The following RGS22 variants were observed in gnomAD, a reference collection of about 807,000 sequenced individuals.
RGS22 encodes the protein regulator of G protein signaling 22.
A neutral mutation model predicts 172.9 loss-of-function variants in RGS22; 148 were observed. The ratio of observed to expected loss-of-function variants is 0.86; its 90% CI spans 0.75 to 0.98. RGS22 has a LOEUF of 0.98. RGS22 is among the 50% of genes least tolerant of loss of function. The pLI is 0.00. For missense variants in RGS22, 1,347 were observed against 1,440.8 expected (o/e 0.93, Z 1.05); for synonymous variants, 458 against 480.2 (o/e 0.95, Z 0.60).
chr8:100,001,302 T>C (rs539607548), intron 18 of RGS22, among the ~76,000 whole-genome samples: 1 of 148,950 alleles, frequency 6.7e-6, no homozygotes, highest in South Asian at 2.1e-4. Context: ...AGGGGCACAA[T>C]CTCCACTCAC....
chr8:100,035,656 C>A (rs997782160), intron 14 of RGS22, among the ~76,000 whole-genome samples: 1 of 152,150 alleles, frequency 6.6e-6, no homozygotes, highest in Non-Finnish European at 1.5e-5. Context: ...GACACATGCA[C>A]ATGTATGTTT....
At chr8:100,104,358 G>C (rs1289721639) in intron 2 of RGS22, among the ~76,000 whole-genome samples, 1 of 129,742 alleles carries the variant, frequency 7.7e-6, no homozygotes, top group East Asian at 2.4e-4. Flanking sequence ...GTGTGTGTGT[G>C]TGTATTTTTT....
rs1281860716 is a variant in RGS22, at chr8:100,063,703, A to G, written c.1065T>C (p.Asp355=). 12 of 1,614,006 alleles carry G rather than the reference A, an allele frequency of 7.4e-6. No individual in the cohort carries two copies. Among genetic ancestry groups the G allele is most frequent in the Non-Finnish European group, 1.0e-5 (12 of 1,179,956 alleles). The change falls in exon 8 of 28, where the codon GAT becomes GAC. Residue 355 remains aspartate (D), a synonymous_variant. Transcript: ENST00000360863. ...FNNITKVSFD[D]CFESIHGKNF... is the part of the protein sequence containing the mutation. Reference sequence around the variant, plus strand: ...TCTTGCCATGAATAGACTCAAAACAATCATCAAATGACACTTTTGTTATAT... The same window carrying G: ...TCTTGCCATGAATAGACTCAAAACAGTCATCAAATGACACTTTTGTTATAT...
intron 7 of RGS22, 49 bp from the exon 8 acceptor site, chr8:100,064,092 T>G: frequency 1.5e-6 from 2 of 1,320,590 alleles, no homozygotes; most frequent in Non-Finnish European, 2.0e-6. Context: ...ATACAAACCT[T>G]TCTTATTATT....
At chr8:100,034,110 G>T (rs923337901) in intron 14 of RGS22, among the ~76,000 whole-genome samples, 5 of 152,126 alleles carry the variant, frequency 3.3e-5, no homozygotes, top group African/African-American at 1.2e-4. Context: ...GGAAGTTCTG[G>T]CCAGGGCAAT....
In RGS22 at chr8:100,092,920, G is replaced by A. The variant is rs1432557173; in HGVS notation, c.117+527C>T. Among the ~76,000 whole-genome samples, 3 of 152,316 alleles carry A rather than the reference G, an allele frequency of 2.0e-5. No individual in the cohort carries two copies. In the South Asian group the frequency reaches 6.2e-4, roughly 32 times the overall value. Reference sequence around the variant, plus strand: ...GCCTTAAATACAAATTCCACTTTAAGTTCTATCCAAGAGGATGAAAATAAT... The same window carrying A: ...GCCTTAAATACAAATTCCACTTTAAATTCTATCCAAGAGGATGAAAATAAT... On this transcript the variant is annotated intron_variant, in intron 3 of 27. Coordinates refer to ENST00000360863, the MANE Select transcript of RGS22 (RefSeq NM_015668.5).
chr8:100,046,650 A>G (rs1333355310), intron 11 of RGS22, among the ~76,000 whole-genome samples: 1 of 149,562 alleles, frequency 6.7e-6, no homozygotes, highest in Non-Finnish European at 1.5e-5. Flanking sequence ...TTACAAAAAT[A>G]AATCTGCTTA....
intron 9 of RGS22, among the ~76,000 whole-genome samples, chr8:100,058,247 T>C (rs1275653681): frequency 6.6e-6 from 1 of 150,474 alleles, no homozygotes; most frequent in Non-Finnish European, 1.5e-5. Flanking sequence ...TTATTGGCCT[T>C]AAAGAGGAGG....
intron 9 of RGS22, among the ~76,000 whole-genome samples, chr8:100,058,871 T>G (rs1359315440): frequency 6.6e-6 from 1 of 152,164 alleles, no homozygotes; most frequent in African/African-American, 2.4e-5. Flanking sequence ...AACACTGTAA[T>G]AGTGATATGT....
intron 14 of RGS22, among the ~76,000 whole-genome samples, chr8:100,020,306 C>T (rs1400821271): frequency 1.3e-5 from 2 of 152,160 alleles, no homozygotes; most frequent in Non-Finnish European, 2.9e-5. Context: ...AGCCATGGCA[C>T]TATTTCATAC....
chr8:100,049,569 T>C (rs550203674), intron 10 of RGS22, among the ~76,000 whole-genome samples: 3 of 152,340 alleles, frequency 2.0e-5, no homozygotes, highest in African/African-American at 7.2e-5. Flanking sequence ...CGTCACTTAA[T>C]TTTTCTTCCC....
At position 100,072,204 on chromosome 8, in the gene RGS22, C is replaced by T. The variant is rs758280906; in HGVS notation, c.366G>A (p.Lys122=). 1.9e-6 allele frequency: 3 copies of T among 1,598,582 alleles called. No homozygotes were observed. The highest frequency in any genetic ancestry group is 2.2e-5 in the East Asian group (1 of 44,600). ...CTGGAAGTCTTTCTTTTTTGATCCACTTAATACCTTCTTCACGACTGAGAC... is the reference window on the plus strand; with the variant it reads ...CTGGAAGTCTTTCTTTTTTGATCCATTTAATACCTTCTTCACGACTGAGAC... ...IMCLSREEGI[K]WIKKERLPAF... Residue 122 remains lysine, a synonymous_variant, in exon 5 of 28, where the codon AAG becomes AAA. Coordinates refer to ENST00000360863, the MANE Select transcript of RGS22 (RefSeq NM_015668.5).
At chr8:100,010,313 C>G (rs1341304334) in intron 14 of RGS22, among the ~76,000 whole-genome samples, 4 of 152,112 alleles carry the variant, frequency 2.6e-5, no homozygotes, top group African/African-American at 9.7e-5. Flanking sequence ...TGGTGAAACC[C>G]CATCTCTACC....
At chr8:100,089,280 C>A (rs1348853137) in intron 3 of RGS22, among the ~76,000 whole-genome samples, 1 of 151,776 alleles carries the variant, frequency 6.6e-6, no homozygotes, top group Non-Finnish European at 1.5e-5. Flanking sequence ...TGAATACCTC[C>A]AAGTTTACTC....
chr8:99,992,753 G>A (rs1813899098), intron 20 of RGS22, among the ~76,000 whole-genome samples: 1 of 152,154 alleles, frequency 6.6e-6, no homozygotes, highest in South Asian at 2.1e-4. Flanking sequence ...ACTCAGCTCT[G>A]CAACAAGCAG....
At chr8:100,077,661 T>C (rs954414070) in intron 4 of RGS22, among the ~76,000 whole-genome samples, 1 of 152,188 alleles carries the variant, frequency 6.6e-6, no homozygotes, top group African/African-American at 2.4e-5. Flanking sequence ...TGGTAAATAT[T>C]CCCAGTGCAC....
intron 14 of RGS22, among the ~76,000 whole-genome samples, chr8:100,020,184 G>T (rs774423223): frequency 6.6e-6 from 1 of 152,024 alleles, no homozygotes; most frequent in Non-Finnish European, 1.5e-5. Context: ...ACGCCCGGCC[G>T]CAATTTTCTT....
intron 22 of RGS22, among the ~76,000 whole-genome samples, chr8:99,980,765 G>A (rs1188363850): frequency 2.6e-5 from 4 of 152,104 alleles, no homozygotes; most frequent in Admixed American, 6.5e-5. Flanking sequence ...GAAAGGTATC[G>A]GCAGCTCCAG....
At chr8:99,975,884 T>C (rs1811874323) in intron 23 of RGS22, among the ~76,000 whole-genome samples, 1 of 152,136 alleles carries the variant, frequency 6.6e-6, no homozygotes, top group East Asian at 1.9e-4. Flanking sequence ...AGAAGTGTAT[T>C]TGCTGATTAA....
Sources: gnomAD v4.1 joint callset for allele counts (sites outside exome capture counted in the v4.1 genomes callset) on GRCh38, gnomAD v4.1.1 for gene constraint, MANE v1.5 for transcripts, NCBI Gene and HGNC (gene_info 2026-07-23, HGNC 2026-07-21) for gene names.